The following EXT1 variants were observed in gnomAD, a reference collection of about 807,000 sequenced individuals.
The protein encoded by EXT1 is exostosin glycosyltransferase 1.
A neutral mutation model predicts 82.5 loss-of-function variants in EXT1; 20 were observed. That is an observed-to-expected ratio of 0.24 (90% CI 0.17 to 0.35). The LOEUF is 0.35. EXT1 is among the 10% of genes least tolerant of loss of function. The pLI, the probability that EXT1 is intolerant of heterozygous loss-of-function variation, is 1.00. For missense variants in EXT1, 757 were observed against 936.5 expected (o/e 0.81, Z 2.50); for synonymous variants, 348 against 350.8 (o/e 0.99, Z 0.09).
chr8:117,805,890 AC>A (rs1165529104), intron 9 of EXT1, among the ~76,000 whole-genome samples: 2 of 151,994 alleles, frequency 1.3e-5, no homozygotes, highest in Non-Finnish European at 2.9e-5. Flanking sequence ...TTGTATCTCC[AC>A]CCCTGAGCTT....
chr8:117,804,210 C>A (rs1280199040), intron 10 of EXT1, among the ~76,000 whole-genome samples: 1 of 152,112 alleles, frequency 6.6e-6, no homozygotes, highest in Non-Finnish European at 1.5e-5. Flanking sequence ...GGAGTCCTCA[C>A]AAATGGGAGC....
chr8:118,070,279 TATC>T (rs1352650520), intron 1 of EXT1, among the ~76,000 whole-genome samples: 21 of 145,954 alleles, frequency 1.4e-4, no homozygotes, highest in Admixed American at 1.1e-3. Context: ...TGTGTGTGCA[TATC>T]ATAAGTGAAT....
chr8:117,890,785 T>C (rs9692869), intron 1 of EXT1, among the ~76,000 whole-genome samples: 62,267 of 152,072 alleles, frequency 0.41, 13,146 homozygotes, highest in South Asian at 0.46. Context: ...TCATCCCATC[T>C]TGTAAGATCT....
At chr8:117,847,415 C>A (rs1812380069) in intron 1 of EXT1, among the ~76,000 whole-genome samples, 2 of 151,700 alleles carry the variant, frequency 1.3e-5, no homozygotes, top group South Asian at 2.1e-4. Context: ...ACAGGTCTGG[C>A]AGCTTGTTAA....
intron 1 of EXT1, among the ~76,000 whole-genome samples, chr8:117,999,378 A>T (rs1404700303): frequency 6.6e-6 from 1 of 152,218 alleles, no homozygotes; most frequent in Non-Finnish European, 1.5e-5. Context: ...TCTTCTAGAA[A>T]ATGGTCCCAA....
chr8:117,918,351 C>G (rs1338701673), intron 1 of EXT1, among the ~76,000 whole-genome samples: 2 of 152,158 alleles, frequency 1.3e-5, no homozygotes, highest in African/African-American at 4.8e-5. Flanking sequence ...CCACAGATCA[C>G]CTTTAGTTGG....
intron 1 of EXT1, among the ~76,000 whole-genome samples, chr8:117,865,748 T>A (rs1355229636): frequency 1.3e-5 from 2 of 152,200 alleles, no homozygotes; most frequent in Non-Finnish European, 2.9e-5. Flanking sequence ...TAACCAGGTG[T>A]CTTCACAGAC....
chr8:117,913,985 CT>C (rs1157308747), intron 1 of EXT1, among the ~76,000 whole-genome samples: 1 of 152,146 alleles, frequency 6.6e-6, no homozygotes, highest in Non-Finnish European at 1.5e-5. Flanking sequence ...AACATTAAAG[CT>C]GGGACTGGAC....
In EXT1 at chr8:117,999,155, G is replaced by A. The variant is rs144130398; in HGVS notation, c.962+110930C>T. ...TAGGATTATTTAGAAATAATGCAATGCCTTACTTTAGGGCTGAAAACAACC... is the reference window on the plus strand; with the variant it reads ...TAGGATTATTTAGAAATAATGCAATACCTTACTTTAGGGCTGAAAACAACC... On this transcript the variant is annotated intron_variant, in intron 1 of 10. Transcript: ENST00000378204. 7.3e-4 allele frequency among the ~76,000 whole-genome samples: 111 copies of A among 152,264 alleles called. 1 individual carries two copies. The highest frequency in any genetic ancestry group is 2.5e-3 in the African/African-American group (104 of 41,560).
At chr8:117,843,393 A>T (rs1430543296) in intron 1 of EXT1, among the ~76,000 whole-genome samples, 1 of 152,204 alleles carries the variant, frequency 6.6e-6, no homozygotes, top group African/African-American at 2.4e-5. Context: ...CAATGGCCAC[A>T]TGTAGGCAGG....
chr8:118,024,713 T>G (rs971915252), intron 1 of EXT1, among the ~76,000 whole-genome samples: 3 of 152,062 alleles, frequency 2.0e-5, no homozygotes, highest in Non-Finnish European at 4.4e-5. Flanking sequence ...AAGGGAAGGC[T>G]TGTTTGAGGA....
chr8:117,858,714 AAGGAAGGAAGGAAG>A (rs1812611828), intron 1 of EXT1, among the ~76,000 whole-genome samples: 1 of 20,104 alleles, frequency 5.0e-5, no homozygotes, highest in Non-Finnish European at 1.1e-4. Context: ...GAAAAGAAAG[AAGGAAGGAAGGAAG>A]GAAGGAAGGA....
chr8:117,880,096 C>T (rs1813035142), intron 1 of EXT1, among the ~76,000 whole-genome samples: 1 of 152,112 alleles, frequency 6.6e-6, no homozygotes, highest in Non-Finnish European at 1.5e-5. Flanking sequence ...TTTTGACAAC[C>T]TCTATAACCT....
chr8:117,981,864 C>A (rs893922651), intron 1 of EXT1, among the ~76,000 whole-genome samples: 12 of 149,754 alleles, frequency 8.0e-5, no homozygotes, highest in African/African-American at 1.5e-4. Flanking sequence ...GGTGTCAGAG[C>A]AAGACTGAAA....
At chr8:118,037,841 T>TTTG (rs1554595714) in intron 1 of EXT1, among the ~76,000 whole-genome samples, 3 of 146,262 alleles carry the variant, frequency 2.1e-5, no homozygotes, top group African/African-American at 7.7e-5. Flanking sequence ...TTTTTGTTTT[T>TTTG]TTTTTTTTTT....
At chr8:117,922,524 A>G (rs1019547188) in intron 1 of EXT1, among the ~76,000 whole-genome samples, 1 of 152,196 alleles carries the variant, frequency 6.6e-6, no homozygotes, top group East Asian at 1.9e-4. Flanking sequence ...CATCTGTCAC[A>G]GTCAGTAACC....
chr8:117,868,570 G>A (rs1247929541), intron 1 of EXT1, among the ~76,000 whole-genome samples: 1 of 152,088 alleles, frequency 6.6e-6, no homozygotes, highest in African/African-American at 2.4e-5. Flanking sequence ...TCCCACCTCA[G>A]CCTCCTGAGT....
At chr8:118,005,978 G>C (rs1306757426) in intron 1 of EXT1, among the ~76,000 whole-genome samples, 1 of 152,156 alleles carries the variant, frequency 6.6e-6, no homozygotes, top group Non-Finnish European at 1.5e-5. Flanking sequence ...TATAAAACAG[G>C]ACAATTCTTA....
chr8:117,990,993 G>A (rs1815420594), intron 1 of EXT1, among the ~76,000 whole-genome samples: 1 of 152,106 alleles, frequency 6.6e-6, no homozygotes, highest in Non-Finnish European at 1.5e-5. Flanking sequence ...TGCAAATGGT[G>A]TTCATTATGC....
Sources: gnomAD v4.1 joint callset for allele counts (sites outside exome capture counted in the v4.1 genomes callset) on GRCh38, gnomAD v4.1.1 for gene constraint, MANE v1.5 for transcripts, NCBI Gene and HGNC (gene_info 2026-07-23, HGNC 2026-07-21) for gene names.